Variants in TTC6 observed in about 807,000 individuals in gnomAD.
The protein encoded by TTC6 is tetratricopeptide repeat domain 6.
In TTC6, 172 loss-of-function variants were observed where a neutral mutation model predicts 210.4. That is an observed-to-expected ratio of 0.82 (90% confidence interval 0.72 to 0.93). The LOEUF is 0.93. Ranked by LOEUF, TTC6 falls within the 40% of genes least tolerant of loss-of-function variation. The probability of loss-of-function intolerance (pLI) is 0.00; values close to 1 mark genes in which losing one functional copy is unlikely to be tolerated. For synonymous variants in TTC6, 804 were observed against 819.6 expected (o/e 0.98, Z 0.32); for missense variants, 2,414 against 2,318.1 (o/e 1.04, Z -0.85).
intron 10 of TTC6, among the ~76,000 whole-genome samples, chr14:37,743,985 C>T (rs1416188959): frequency 6.6e-6 from 1 of 152,060 alleles, no homozygotes; most frequent in Non-Finnish European, 1.5e-5. Flanking sequence ...ATCTTCCTTC[C>T]CTGGGAATGT....
chr14:37,703,281 A>G (rs1205938264), intron 5 of TTC6, among the ~76,000 whole-genome samples: 1 of 151,968 alleles, frequency 6.6e-6, no homozygotes, highest in Non-Finnish European at 1.5e-5. Context: ...CTTCAAGTAG[A>G]CCTCACTTTC....
intron 14 of TTC6, among the ~76,000 whole-genome samples, chr14:37,787,234 A>G (rs1012360964): frequency 6.6e-6 from 1 of 152,240 alleles, no homozygotes; most frequent in African/African-American, 2.4e-5. Flanking sequence ...TAAGCATATA[A>G]TTAATATGTA....
intron 1 of TTC6, among the ~76,000 whole-genome samples, chr14:37,647,147 A>G (rs573783502): frequency 1.3e-5 from 2 of 152,350 alleles, no homozygotes; most frequent in African/African-American, 4.8e-5. Context: ...CCTTCTGAGA[A>G]TCACTGATGT....
chr14:37,753,743 A>ATTT (rs3062809), intron 14 of TTC6, among the ~76,000 whole-genome samples: 9 of 139,396 alleles, frequency 6.5e-5, no homozygotes, highest in Non-Finnish European at 1.2e-4. Flanking sequence ...TAATTTTTCA[A>ATTT]TTTTTTTTTT....
chr14:37,817,797 A>G (rs1209314674), intron 26 of TTC6, 146 bp downstream of exon 28: 4 of 743,618 alleles, frequency 5.4e-6, no homozygotes, highest in Non-Finnish European at 8.9e-6. Flanking sequence ...GAGGGACACA[A>G]AGAGTTCCCT....
intron 15 of TTC6, among the ~76,000 whole-genome samples, chr14:37,787,889 C>CTGTGTGTG (rs3062823): frequency 0.012 from 1,721 of 147,302 alleles, 29 homozygotes; most frequent in African/African-American, 0.037. Flanking sequence ...GTGTGTGTGT[C>CTGTGTGTG]TGTGTGTGTG....
In TTC6 at chr14:37,668,113, C is replaced by T. The variant is rs571734177; in HGVS notation, c.940-12038C>T. 2.8e-4 allele frequency among the ~76,000 whole-genome samples: 42 copies of T among 149,138 alleles called. 3 individuals are homozygous for T. The South Asian group carries it at 6.9e-3, about 24-fold the overall frequency. On this transcript the variant is annotated intron_variant, in intron 1 of 30. Coordinates refer to ENST00000553443, the Ensembl canonical transcript of TTC6. ...TCATGCCACTGCACACCAGCCTGGGCGACAGTGTGAGACTTCATCTAAAAA... is the reference window on the plus strand; with the variant it reads ...TCATGCCACTGCACACCAGCCTGGGTGACAGTGTGAGACTTCATCTAAAAA...
chr14:37,777,543 A>C (rs4901251), intron 14 of TTC6, among the ~76,000 whole-genome samples: 152,196 of 152,260 alleles, frequency 1, 76,066 homozygotes, highest in Middle Eastern at 1. Context: ...TGGGTTTCAA[A>C]TTTCACCTGA....
At chr14:37,727,098 C>T (rs1219935502) in intron 7 of TTC6, among the ~76,000 whole-genome samples, 1 of 151,686 alleles carries the variant, frequency 6.6e-6, no homozygotes, top group Non-Finnish European at 1.5e-5. Flanking sequence ...ATATATAATA[C>T]ATAATTCCCT....
chr14:37,708,546 A>G (rs751717603), intron 5 of TTC6, among the ~76,000 whole-genome samples: 1 of 151,964 alleles, frequency 6.6e-6, no homozygotes, highest in Non-Finnish European at 1.5e-5. Context: ...ATTATATTCT[A>G]CTGCTTTGTG....
chr14:37,808,742 C>T (rs2096123646), exon 24 of TTC6: 13 of 1,475,978 alleles, frequency 8.8e-6, no homozygotes, highest in Non-Finnish European at 1.2e-5. Flanking sequence ...GACTTATAAG[C>T]TAGCAATTAC....
intron 2 of TTC6, 103 bp downstream of exon 4, chr14:37,680,364 A>G: frequency 4.1e-6 from 3 of 728,858 alleles, no homozygotes; most frequent in Non-Finnish European, 6.5e-6. Context: ...TCTCTGATGT[A>G]TTTTAGAAGT....
intron 1 of TTC6, among the ~76,000 whole-genome samples, chr14:37,657,876 G>C (rs177874): frequency 0.063 from 9,596 of 152,174 alleles, 389 homozygotes; most frequent in Non-Finnish European, 0.087. Flanking sequence ...TGTACCAACC[G>C]TTAAAAACAT....
chr14:37,654,049 A>G (rs1286327156), intron 1 of TTC6, among the ~76,000 whole-genome samples: 1 of 152,172 alleles, frequency 6.6e-6, no homozygotes, highest in Non-Finnish European at 1.5e-5. Context: ...AAGCTTGTCT[A>G]AGAAAATTGT....
intron 10 of TTC6, among the ~76,000 whole-genome samples, chr14:37,748,554 G>A (rs1484788772): frequency 6.6e-6 from 1 of 151,668 alleles, no homozygotes; most frequent in Non-Finnish European, 1.5e-5. Context: ...TCTTCCCACT[G>A]CCTCAAGTTC....
chr14:37,677,103 C>T (rs1595092827), intron 1 of TTC6, among the ~76,000 whole-genome samples: 1 of 151,858 alleles, frequency 6.6e-6, no homozygotes, highest in African/African-American at 2.4e-5. Flanking sequence ...AAAAAAGGCC[C>T]TTGTTTTTTT....
intron 22 of TTC6, among the ~76,000 whole-genome samples, chr14:37,807,070 G>A (rs189708021): frequency 8.1e-4 from 123 of 152,064 alleles, no homozygotes; most frequent in African/African-American, 2.7e-3. Context: ...TTTTCCAATA[G>A]TGCAGAAAAA....
At chr14:37,647,450 G>C (rs753468140) in intron 1 of TTC6, among the ~76,000 whole-genome samples, 10 of 152,172 alleles carry the variant, frequency 6.6e-5, no homozygotes, top group Non-Finnish European at 1.0e-4. Flanking sequence ...CTTATGGTTT[G>C]TATGTGTGTT....
At chr14:37,653,526 G>A (rs1483728140) in intron 1 of TTC6, among the ~76,000 whole-genome samples, 5 of 152,108 alleles carry the variant, frequency 3.3e-5, no homozygotes, top group Non-Finnish European at 5.9e-5. Flanking sequence ...TTGCATCAAA[G>A]TATTAATTCC....
Sources: allele counts gnomAD v4.1 joint callset (sites outside exome capture counted in the v4.1 genomes callset), GRCh38; gene constraint gnomAD v4.1.1; transcripts MANE v1.5; gene names NCBI Gene and HGNC (gene_info 2026-07-23, HGNC 2026-07-21).